Variants in FTO observed in about 807,000 individuals in gnomAD.
FTO encodes the protein alpha-ketoglutarate-dependent dioxygenase FTO.
Under a neutral mutation model 63.9 loss-of-function variants are expected in FTO, and 47 were observed. That is an observed-to-expected ratio of 0.74 (90% CI 0.58 to 0.94). The LOEUF (loss-of-function observed/expected upper bound fraction) is 0.94, where lower values mean the gene tolerates loss of function less well. FTO is among the 40% of genes least tolerant of loss of function. The pLI is 0.00. For missense variants in FTO, 562 were observed against 618.1 expected (o/e 0.91, Z 0.96); for synonymous variants, 207 against 224.4 (o/e 0.92, Z 0.69).
chr16:54,075,225 T>C (rs535640497), intron 8 of FTO, among the ~76,000 whole-genome samples: 25 of 152,278 alleles, frequency 1.6e-4, no homozygotes, highest in African/African-American at 5.5e-4. Context: ...GATCATTAGA[T>C]TGGATTTTTC....
At chr16:54,072,564 C>G (rs754822554) in intron 8 of FTO, 3 of 152,264 alleles carry the variant, frequency 2.0e-5, no homozygotes, top group Non-Finnish European at 4.4e-5. Flanking sequence ...TACTGGCAGT[C>G]TTGAGCTGGG....
At chr16:53,894,035 C>G (rs1023360866) in intron 7 of FTO, among the ~76,000 whole-genome samples, 1 of 152,148 alleles carries the variant, frequency 6.6e-6, no homozygotes, top group African/African-American at 2.4e-5. Flanking sequence ...TAATTCTATC[C>G]ATTTATGTTA....
At chr16:53,776,960 T>A (rs569278032) in intron 1 of FTO, among the ~76,000 whole-genome samples, 115 of 152,300 alleles carry the variant, frequency 7.6e-4, no homozygotes, top group African/African-American at 2.7e-3. Flanking sequence ...TGACAATAAT[T>A]ATCTATATTT....
intron 8 of FTO, among the ~76,000 whole-genome samples, chr16:54,104,314 T>C (rs1225370343): frequency 1.2e-5 from 1 of 85,874 alleles, no homozygotes; most frequent in Non-Finnish European, 2.2e-5. Flanking sequence ...CTGAGGCCTC[T>C]TTTTTTTTTT....
intron 8 of FTO, among the ~76,000 whole-genome samples, chr16:54,056,649 C>T (rs1356168050): frequency 2.6e-5 from 4 of 152,164 alleles, no homozygotes; most frequent in Non-Finnish European, 5.9e-5. Context: ...CTGAAGCCTC[C>T]AGCCAACAGC....
chr16:53,992,786 C>T (rs1470417124), intron 8 of FTO: 2 of 152,150 alleles, frequency 1.3e-5, no homozygotes, highest in African/African-American at 4.8e-5. Flanking sequence ...AATGAGGCGA[C>T]ATCTCTAATC....
chr16:53,891,550 A>C (rs1489014258), intron 7 of FTO, among the ~76,000 whole-genome samples: 1 of 152,084 alleles, frequency 6.6e-6, no homozygotes, highest in Non-Finnish European at 1.5e-5. Context: ...GGTCTGAGCT[A>C]CTTGGGAAGC....
chr16:53,752,596 T>G (rs2076824690), intron 1 of FTO, among the ~76,000 whole-genome samples: 1 of 152,222 alleles, frequency 6.6e-6, no homozygotes, highest in Non-Finnish European at 1.5e-5. Context: ...CAATCAATCT[T>G]GCATATCTTT....
intron 7 of FTO, among the ~76,000 whole-genome samples, chr16:53,907,020 A>C (rs1436616346): frequency 6.6e-6 from 1 of 152,036 alleles, no homozygotes; most frequent in Non-Finnish European, 1.5e-5. Context: ...GGTCTCCTAT[A>C]CTCTTCACAC....
intron 1 of FTO, among the ~76,000 whole-genome samples, chr16:53,790,579 C>CAAAAAAAAAAAAAA (rs34860208): frequency 3.6e-5 from 2 of 55,212 alleles, no homozygotes; most frequent in African/African-American, 1.5e-4. Context: ...CAAAATAAAG[C>CAAAAAAAAAAAAAA]AAAAAAAAAA....
At chr16:53,990,598 T>C (rs1010044148) in intron 8 of FTO, among the ~76,000 whole-genome samples, 1 of 151,836 alleles carries the variant, frequency 6.6e-6, no homozygotes, top group Non-Finnish European at 1.5e-5. Context: ...TTACTGAGCA[T>C]GTATGGTGTG....
chr16:53,892,484 G>A (rs915442963), intron 7 of FTO, among the ~76,000 whole-genome samples: 2 of 152,118 alleles, frequency 1.3e-5, no homozygotes, highest in African/African-American at 4.8e-5. Context: ...TATAGCATTA[G>A]ACTAATCCAA....
chr16:53,709,750 T>C (rs527347896), intron 1 of FTO, among the ~76,000 whole-genome samples: 7 of 152,322 alleles, frequency 4.6e-5, no homozygotes, highest in Middle Eastern at 6.8e-3. Context: ...ACTTTATTGC[T>C]CTCTTTCTCG....
intron 1 of FTO, among the ~76,000 whole-genome samples, chr16:53,775,917 C>CTA (rs1453112593): frequency 6.6e-6 from 1 of 151,918 alleles, no homozygotes. Context: ...CTTTTTATGA[C>CTA]TATATACTCT....
intron 1 of FTO, among the ~76,000 whole-genome samples, chr16:53,798,493 C>T (rs1417631506): frequency 6.6e-6 from 1 of 151,992 alleles, no homozygotes; most frequent in African/African-American, 2.4e-5. Flanking sequence ...AACCTTTTGT[C>T]CAGTTTATCT....
At chr16:53,894,254 G>C (rs1405933322) in intron 7 of FTO, among the ~76,000 whole-genome samples, 3 of 152,184 alleles carry the variant, frequency 2.0e-5, no homozygotes, top group African/African-American at 7.2e-5. Context: ...CATCTGGGAA[G>C]GCCCTTGCCA....
At chr16:53,902,583 G>A (rs1021966627) in intron 7 of FTO, among the ~76,000 whole-genome samples, 8 of 152,148 alleles carry the variant, frequency 5.3e-5, no homozygotes, top group African/African-American at 1.9e-4. Flanking sequence ...GAGGCTCTCT[G>A]GTGTTGAGAT....
intron 3 of FTO, among the ~76,000 whole-genome samples, chr16:53,842,159 C>T (rs2079496573): frequency 6.6e-6 from 1 of 152,172 alleles, no homozygotes; most frequent in African/African-American, 2.4e-5. Context: ...GTGCCAGTCA[C>T]TAGGGCTATA....
intron 8 of FTO, among the ~76,000 whole-genome samples, chr16:54,018,884 A>G (rs2084523482): frequency 6.6e-6 from 1 of 152,206 alleles, no homozygotes; most frequent in African/African-American, 2.4e-5. Context: ...GACTAATACA[A>G]TGGGCACAGT....
Sources: gnomAD v4.1 joint callset for allele counts (sites outside exome capture counted in the v4.1 genomes callset) on GRCh38, gnomAD v4.1.1 for gene constraint, MANE v1.5 for transcripts, NCBI Gene and HGNC (gene_info 2026-07-23, HGNC 2026-07-21) for gene names.